Variants in PCDHA3 observed in about 807,000 individuals in gnomAD.
PCDHA3 encodes protocadherin alpha-3.
Under a neutral mutation model 62.2 loss-of-function variants are expected in PCDHA3, and 41 were observed. The ratio of observed to expected loss-of-function variants is 0.66; its 90% CI spans 0.51 to 0.86. PCDHA3 has a LOEUF of 0.86. PCDHA3 is among the 40% of genes least tolerant of loss of function. The pLI, the probability that PCDHA3 is intolerant of heterozygous loss-of-function variation, is 0.00. For synonymous variants in PCDHA3, 640 were observed against 555.4 expected, an observed-to-expected ratio of 1.15 and a Z score of -2.14; for missense variants, 1,304 against 1,241.2, an observed-to-expected ratio of 1.05 and a Z score of -0.76.
chr5:140,808,215 A>G (rs1307561739), intron 1 of PCDHA3: 2 of 1,614,142 alleles, frequency 1.2e-6, no homozygotes, highest in East Asian at 4.5e-5. Context: ...GTAGAAGACA[A>G]CAACGATAAT....
At chr5:140,808,886 G>A (rs1554124867) in intron 1 of PCDHA3, 1 of 1,613,208 alleles carries the variant, frequency 6.2e-7, no homozygotes, top group Non-Finnish European at 8.5e-7. Context: ...AGCACTGCTA[G>A]CGCCTCGGGC....
intron 1 of PCDHA3, among the ~76,000 whole-genome samples, chr5:140,839,899 GAAGT>G (rs1776458768): frequency 6.6e-6 from 1 of 152,000 alleles, no homozygotes; most frequent in African/African-American, 2.4e-5. Flanking sequence ...AGAAAAAGAT[GAAGT>G]AATAGAAGAA....
chr5:140,870,186 C>T (rs1362653742), intron 1 of PCDHA3: 7 of 1,614,152 alleles, frequency 4.3e-6, no homozygotes, highest in Non-Finnish European at 5.9e-6. Flanking sequence ...TACGAGAGGA[C>T]GCTCAGCCCA....
chr5:140,900,446 T>G (rs1344652526), intron 1 of PCDHA3, among the ~76,000 whole-genome samples: 1 of 152,154 alleles, frequency 6.6e-6, no homozygotes, highest in Non-Finnish European at 1.5e-5. Flanking sequence ...GCCGGCTAAT[T>G]TTTTATTTTT....
chr5:140,934,172 G>A (rs781789188), intron 1 of PCDHA3, among the ~76,000 whole-genome samples: 47 of 152,018 alleles, frequency 3.1e-4, no homozygotes, highest in Non-Finnish European at 6.6e-4. Flanking sequence ...TGCAACAGAA[G>A]TACTCTAAAC....
At chr5:140,966,030 A>C (rs1554227994) in intron 1 of PCDHA3, among the ~76,000 whole-genome samples, 4 of 152,164 alleles carry the variant, frequency 2.6e-5, no homozygotes, top group Admixed American at 6.5e-5. Context: ...AGTCAGGTGA[A>C]TAGTTCCCAT....
rs139331486 is a variant in PCDHA3, at chr5:140,836,143, C to A, written c.2394+32552C>A. 1,039 of 1,613,760 alleles carry A rather than the reference C, an allele frequency of 6.4e-4. 8 individuals carry two copies. The highest frequency in any genetic ancestry group is 1.2e-3 in the South Asian group (112 of 91,068). ...GAGCTTGTGCCGCGGTCTGTGGGCG[C>A]GGGCCATGTGGTGGCGAAGGTACGT... On this transcript the variant is annotated intron_variant, in intron 1 of 3. Coordinates refer to ENST00000522353, the MANE Select transcript of PCDHA3 (RefSeq NM_018906.3).
At chr5:140,927,674 A>C (rs201769803) in intron 1 of PCDHA3, 1 of 1,614,182 alleles carries the variant, frequency 6.2e-7, no homozygotes, top group Admixed American at 1.7e-5. Flanking sequence ...TTGGATCCAG[A>C]TGAAGGGTCC....
At position 141,009,772 on chromosome 5, in the gene PCDHA3, C is replaced by G. The variant is rs782009776; in HGVS notation, c.2688C>G (p.Ile896Met). Residue 896 changes from isoleucine (I) to methionine (M), a missense_variant, in exon 4 of 4, where the codon ATC becomes ATG. By Grantham distance (10) the Ile-to-Met change is conservative (BLOSUM62 1). Transcript: ENST00000522353. ...TCATTATCCCAGGATCTCCTGCAAT[C>G]ATCTCCATCCGGCAGGAGCCTACTA... ...DKFIIPGSPA[I>M]ISIRQEPTNS... 4 of 1,614,158 alleles carry G rather than the reference C, an allele frequency of 2.5e-6. No individual in the cohort carries two copies. The East Asian group carries it at 8.9e-5, about 36-fold the overall frequency.
chr5:140,853,985 G>A (rs1007400515), intron 1 of PCDHA3: 2 of 520,646 alleles, frequency 3.8e-6, no homozygotes, highest in East Asian at 1.4e-4. Context: ...CCAATGTAGT[G>A]AGACTCATCT....
intron 1 of PCDHA3, chr5:140,865,841 T>C (rs1371165787): frequency 1.3e-5 from 2 of 152,176 alleles, no homozygotes; most frequent in African/African-American, 4.8e-5. Flanking sequence ...CTTTAGTAAG[T>C]CATTTCTCTG....
At chr5:140,842,999 G>A (rs782032676) in intron 1 of PCDHA3, 1 of 1,594,954 alleles carries the variant, frequency 6.3e-7, no homozygotes, top group Admixed American at 1.7e-5. Context: ...GGACGAGAAT[G>A]ACAACGCGCC....
At chr5:140,819,812 G>T (rs1000166863) in intron 1 of PCDHA3, among the ~76,000 whole-genome samples, 2 of 152,040 alleles carry the variant, frequency 1.3e-5, no homozygotes, top group Admixed American at 1.3e-4. Flanking sequence ...ACTGAGAGGA[G>T]CATGTGAACT....
At chr5:140,890,968 T>C (rs559851253) in intron 1 of PCDHA3, among the ~76,000 whole-genome samples, 7 of 152,190 alleles carry the variant, frequency 4.6e-5, no homozygotes, top group African/African-American at 7.2e-5. Flanking sequence ...AGGTTTTGTT[T>C]TTCTGAAAAT....
chr5:140,898,505 T>A (rs1367691811), intron 1 of PCDHA3, among the ~76,000 whole-genome samples: 1 of 152,202 alleles, frequency 6.6e-6, no homozygotes, highest in East Asian at 1.9e-4. Flanking sequence ...GTTGTAGATA[T>A]GCGGCGTTAT....
At chr5:140,937,302 G>T (rs1554211521) in intron 1 of PCDHA3, among the ~76,000 whole-genome samples, 4 of 152,094 alleles carry the variant, frequency 2.6e-5, no homozygotes, top group African/African-American at 9.7e-5. Flanking sequence ...CTCCCAAAGT[G>T]CTGGGATTAC....
intron 1 of PCDHA3, among the ~76,000 whole-genome samples, chr5:140,947,310 A>G (rs1554218156): frequency 6.6e-6 from 1 of 151,620 alleles, no homozygotes; most frequent in Admixed American, 6.6e-5. Flanking sequence ...ATCTTTGTAA[A>G]AAGTCGGTTG....
chr5:140,965,401 A>G (rs546046699), intron 1 of PCDHA3, among the ~76,000 whole-genome samples: 2 of 152,284 alleles, frequency 1.3e-5, no homozygotes, highest in African/African-American at 4.8e-5. Flanking sequence ...AAGTCTAAGG[A>G]GTCTTATATT....
intron 1 of PCDHA3, among the ~76,000 whole-genome samples, chr5:140,944,651 C>T (rs1554216459): frequency 6.6e-6 from 1 of 152,152 alleles, no homozygotes; most frequent in Non-Finnish European, 1.5e-5. Context: ...ATTGGGAGTC[C>T]ATACCCCTTA....
Sources: allele counts gnomAD v4.1 joint callset (sites outside exome capture counted in the v4.1 genomes callset), GRCh38; gene constraint gnomAD v4.1.1; transcripts MANE v1.5; gene names NCBI Gene and HGNC (gene_info 2026-07-23, HGNC 2026-07-21).